The following AP1M2 variants were observed in gnomAD, a reference collection of about 807,000 sequenced individuals.
AP1M2 encodes AP-1 complex subunit mu-2.
In AP1M2, 41 loss-of-function variants were observed where a neutral mutation model predicts 54.6. That is an observed-to-expected ratio of 0.75 (90% CI 0.59 to 0.97). The LOEUF (loss-of-function observed/expected upper bound fraction) is 0.97. Ranked by LOEUF, AP1M2 falls within the 50% of genes least tolerant of loss-of-function variation. AP1M2 has a pLI of 0.00. For missense variants in AP1M2, 507 were observed against 561.2 expected, an observed-to-expected ratio of 0.90 and a Z score of 0.98; for synonymous variants, 219 against 215.9, an observed-to-expected ratio of 1.01 and a Z score of -0.13.
Position 10,584,012 on chromosome 19 carries a change from A to C in AP1M2, c.101T>G (p.Met34Arg), listed in dbSNP as rs776795502. ...CTCCTCCCGCTGTACCAGCAAAGGCATGAAGTGCTCAATCTTGCTCATGGC... is the reference window on the plus strand; with the variant it reads ...CTCCTCCCGCTGTACCAGCAAAGGCCTGAAGTGCTCAATCTTGCTCATGGC... ...DVAMSKIEHF[M>R]PLLVQREEEG... Residue 34 changes from methionine (M) to arginine (R), a missense_variant, in exon 2 of 12, where the codon ATG becomes AGG. By Grantham distance (91) the Met-to-Arg change is moderately conservative (BLOSUM62 -1). Coordinates refer to ENST00000250244, the MANE Select transcript of AP1M2 (RefSeq NM_005498.5). 3 of 1,610,476 alleles carry C rather than the reference A, an allele frequency of 1.9e-6. No homozygotes were observed.
chr19:10,579,036 TTTC>T, intron 7 of AP1M2, 73 bp from the exon 8 acceptor site: 1 of 1,132,780 alleles, frequency 8.8e-7, no homozygotes, highest in Non-Finnish European at 1.2e-6. Flanking sequence ...TTTTTTTTTC[TTTC>T]TTTGAGACAG....
intron 8 of AP1M2, among the ~76,000 whole-genome samples, chr19:10,578,646 G>A (rs1477218700): frequency 4.0e-5 from 6 of 151,574 alleles, no homozygotes; most frequent in Non-Finnish European, 5.9e-5. Context: ...CCTCCTCCTG[G>A]ACTCAAGCAA....
At chr19:10,583,486 A>AT in intron 3 of AP1M2, 120 bp downstream of exon 3, 2 of 719,694 alleles carry the variant, frequency 2.8e-6, no homozygotes. Context: ...AAAAAAAAAA[A>AT]GGGAAGACCC....
Position 10,581,828 on chromosome 19 carries a change from G to T in AP1M2, c.318C>A (p.Asn106Lys). Residue 106 changes from asparagine to lysine, a missense_variant, in exon 4 of 12, where the codon AAC becomes AAA. By Grantham distance (94) the Asn-to-Lys change is moderately conservative. Coordinates refer to ENST00000250244, the MANE Select transcript of AP1M2 (RefSeq NM_005498.5). Reference protein sequence around the residue: ...KELEEESIRDNFVIVYELLDE... With the variant: ...KELEEESIRDKFVIVYELLDE... ...CCAGCAACTCGTAGACGATGACAAA[G>T]TTGTCCCGGATGCTCTCCTCCTCCA... 6.2e-7 allele frequency: 1 copy of T among 1,614,000 alleles called. No individual in the cohort carries two copies. Among genetic ancestry groups the T allele is most frequent in the Non-Finnish European group, 8.5e-7 (1 of 1,180,002 alleles).
intron 11 of AP1M2, 59 bp downstream of exon 11, chr19:10,574,358 G>T: frequency 1.5e-6 from 2 of 1,345,400 alleles, no homozygotes; most frequent in Admixed American, 2.4e-5. Flanking sequence ...TGAAAGCCTC[G>T]AGTCCCTACC....
At chr19:10,580,586 C>A (rs1917407726) in intron 6 of AP1M2, among the ~76,000 whole-genome samples, 3 of 152,118 alleles carry the variant, frequency 2.0e-5, no homozygotes. Flanking sequence ...TAGCTTGAAC[C>A]CAGGAGGCGG....
chr19:10,585,677 C>T (rs112743992), intron 1 of AP1M2, among the ~76,000 whole-genome samples: 2 of 151,134 alleles, frequency 1.3e-5, no homozygotes, highest in East Asian at 1.9e-4. Flanking sequence ...CAGAGCGAGA[C>T]TCCATCTCCA....
At chr19:10,585,315 G>A (rs1917614335) in intron 1 of AP1M2, among the ~76,000 whole-genome samples, 1 of 141,734 alleles carries the variant, frequency 7.1e-6, no homozygotes, top group Non-Finnish European at 1.6e-5. Context: ...AAGAAAGAAA[G>A]AAAGAAAGAA....
intron 1 of AP1M2, among the ~76,000 whole-genome samples, chr19:10,584,339 G>A (rs1568434261): frequency 6.6e-6 from 1 of 152,212 alleles, no homozygotes; most frequent in Non-Finnish European, 1.5e-5. Context: ...CCAGCATTTT[G>A]GGAGGCCGAG....
intron 11 of AP1M2, among the ~76,000 whole-genome samples, chr19:10,573,633 G>A (rs1385123518): frequency 6.7e-6 from 1 of 149,092 alleles, no homozygotes; most frequent in African/African-American, 2.5e-5. Flanking sequence ...TAGAACTGAC[G>A]CTGACAACTG....
intron 7 of AP1M2, 129 bp downstream of exon 7, chr19:10,579,587 C>T: frequency 9.1e-7 from 1 of 1,103,584 alleles, no homozygotes; most frequent in South Asian, 1.7e-5. Flanking sequence ...CTCCTGTCCT[C>T]AAGTGATCCA....
rs368735246 is a variant in AP1M2, at chr19:10,583,657, C to A, written c.216G>T (p.Ser72=). The A allele has an allele frequency of 6.2e-7, 1 of 1,613,278 alleles. No individual in the cohort carries two copies. Among genetic ancestry groups the A allele is most frequent in the Non-Finnish European group, 8.5e-7 (1 of 1,179,584 alleles). The change falls in exon 3 of 12, where the codon TCG becomes TCT. Residue 72 remains serine, a synonymous_variant. Transcript: ENST00000250244. ...ACACCAGGGAGGCATTGGCATTCTT[C>A]GATGTGGTGGCCACCACTGGGGCAG... is the stretch of plus-strand genomic sequence containing the variant. ...HSNLYLVATT[S]KNANASLVYS... is the part of the protein sequence containing the mutation.
chr19:10,577,383 G>C (rs758092555), intron 8 of AP1M2, 27 bp from the exon 9 acceptor site: 2 of 1,478,344 alleles, frequency 1.4e-6, no homozygotes, highest in South Asian at 1.2e-5. Context: ...CATGGGGCAC[G>C]AAGAATTCGC....
At chr19:10,584,592 GAGAAAGAAAGAA>G (rs201086292) in intron 1 of AP1M2, among the ~76,000 whole-genome samples, 1 of 149,870 alleles carries the variant, frequency 6.7e-6, no homozygotes, top group African/African-American at 2.5e-5. Context: ...AGAAGAAAGA[GAGAAAGAAAGAA>G]AGAAAGAAAG....
In AP1M2 at chr19:10,574,939, A is replaced by C; in HGVS notation, c.1138T>G (p.Phe380Val). 1 of 1,601,224 alleles carries C rather than the reference A, an allele frequency of 6.2e-7. No individual in the cohort carries two copies. The highest frequency in any genetic ancestry group is 1.1e-5 in the South Asian group (1 of 89,664). The change falls in exon 10 of 12, where the codon TTT becomes GTT. Residue 380 changes from phenylalanine (F) to valine (V), a missense_variant. Coordinates refer to ENST00000250244, the MANE Select transcript of AP1M2 (RefSeq NM_005498.5). The part of the protein sequence containing the change: ...VEGRPPIGVK[F>V]EIPYFTVSGI... Reference sequence around the variant, plus strand: ...GAGACGGTGAAGTAGGGGATCTCAAACTTGACCCCGATGGGGGGCCGGCCC... The same window carrying C: ...GAGACGGTGAAGTAGGGGATCTCAACCTTGACCCCGATGGGGGGCCGGCCC...
Position 10,584,008 on chromosome 19 carries a change from A to G in AP1M2, c.105T>C (p.Pro35=), listed in dbSNP as rs561262753. 1.4e-4 allele frequency: 219 copies of G among 1,609,870 alleles called. 1 individual carries two copies. Among genetic ancestry groups the G allele is most frequent in the South Asian group, 9.8e-4 (88 of 90,038 alleles). ...CTTCCTCCTCCCGCTGTACCAGCAA[A>G]GGCATGAAGTGCTCAATCTTGCTCA... ...VAMSKIEHFM[P]LLVQREEEGA... is the part of the protein sequence containing the mutation. Residue 35 remains proline, a synonymous_variant, in exon 2 of 12, where the codon CCT becomes CCC. Transcript: ENST00000250244.
intron 3 of AP1M2, among the ~76,000 whole-genome samples, chr19:10,582,293 T>C (rs1917492324): frequency 6.8e-6 from 1 of 146,968 alleles, no homozygotes; most frequent in African/African-American, 2.5e-5. Flanking sequence ...CCGCCCACTT[T>C]GGCTTCCCAA....
intron 8 of AP1M2, among the ~76,000 whole-genome samples, chr19:10,578,469 G>A (rs1449325963): frequency 1.3e-5 from 2 of 149,466 alleles, no homozygotes; most frequent in African/African-American, 4.9e-5. Flanking sequence ...GTGACAGAGG[G>A]AGACTCTTTC....
Position 10,576,184 on chromosome 19 carries a change from C to T in AP1M2, c.1047+1014G>A, listed in dbSNP as rs549942375. 1.5e-3 allele frequency among the ~76,000 whole-genome samples: 219 copies of T among 150,908 alleles called. 3 individuals carry two copies. Among genetic ancestry groups the T allele is most frequent in the South Asian group, 9.9e-3 (47 of 4,754 alleles). ...TCAACTCACTGCAACCTCCGCCTCC[C>T]GGGTTCAAGTGATTCTCCTGCCTCA... On this transcript the variant is annotated intron_variant, in intron 9 of 11. Coordinates refer to ENST00000250244, the MANE Select transcript of AP1M2 (RefSeq NM_005498.5).
Sources: gnomAD v4.1 joint callset for allele counts (sites outside exome capture counted in the v4.1 genomes callset) on GRCh38, gnomAD v4.1.1 for gene constraint, MANE v1.5 for transcripts, NCBI Gene and HGNC (gene_info 2026-07-23, HGNC 2026-07-21) for gene names.